Variants in OR2L13 observed in about 807,000 individuals in gnomAD.
OR2L13 encodes olfactory receptor family 2 subfamily L member 13, also known as olfactory receptor 2L13.
A neutral mutation model predicts 15.3 loss-of-function variants in OR2L13; 14 were observed. The ratio of observed to expected loss-of-function variants is 0.91; its 90% CI spans 0.60 to 1.43. OR2L13 has a LOEUF of 1.43. OR2L13 is among the 40% of genes most tolerant of loss of function. The probability of loss-of-function intolerance (pLI) is 0.00; values close to 1 mark genes in which losing one functional copy is unlikely to be tolerated. For missense variants in OR2L13, 367 were observed against 387.9 expected (o/e 0.95, Z 0.45); for synonymous variants, 152 against 142.9 (o/e 1.06, Z -0.45).
chr1:248,074,091 C>G, the OR2L13 span, among the ~76,000 whole-genome samples: 1 of 151,890 alleles, frequency 6.6e-6, no homozygotes, highest in African/African-American at 2.4e-5. Context: ...ACATGTTTGA[C>G]AAAATACTTT....
chr1:248,075,961 C>T, the OR2L13 span, among the ~76,000 whole-genome samples: 3 of 152,124 alleles, frequency 2.0e-5, no homozygotes, highest in Non-Finnish European at 2.9e-5. Context: ...AGGTTTTCTT[C>T]TAGGGTTTTT....
chr1:248,018,955 T>C, the OR2L13 span, among the ~76,000 whole-genome samples: 5 of 152,202 alleles, frequency 3.3e-5, no homozygotes. Flanking sequence ...AGTTCATCTA[T>C]GTTGTAGCAT....
At chr1:247,971,235 ATCTTT>A in the OR2L13 span, among the ~76,000 whole-genome samples, 7 of 151,980 alleles carry the variant, frequency 4.6e-5, no homozygotes, top group Admixed American at 3.9e-4. Flanking sequence ...TTTAGTCTGA[ATCTTT>A]TCTTTTCTTC....
chr1:248,095,517 G>C (rs1434764037), upstream of OR2L13, among the ~76,000 whole-genome samples: 1 of 150,836 alleles, frequency 6.6e-6, no homozygotes, highest in Non-Finnish European at 1.5e-5. Context: ...TTGATAGCCT[G>C]ATATACTATC....
the OR2L13 span, chr1:248,038,215 T>C: frequency 1.6e-6 from 2 of 1,269,192 alleles, no homozygotes; most frequent in South Asian, 1.4e-5. Context: ...AGTGAATTAC[T>C]GTTCTTAATT....
At chr1:247,975,437 C>A in the OR2L13 span, 2 of 728,664 alleles carry the variant, frequency 2.7e-6, no homozygotes, top group Admixed American at 1.8e-5. Flanking sequence ...GCCTATTCGA[C>A]CTGTAGCACC....
chr1:247,947,346 T>C, the OR2L13 span, among the ~76,000 whole-genome samples: 2 of 152,222 alleles, frequency 1.3e-5, no homozygotes, highest in Admixed American at 1.3e-4. Flanking sequence ...GTTTGCACAC[T>C]GGGAATCTTC....
chr1:248,001,072 G>C, the OR2L13 span, among the ~76,000 whole-genome samples: 1 of 152,026 alleles, frequency 6.6e-6, no homozygotes. Flanking sequence ...ATTTATGTAG[G>C]TGTGACATTT....
chr1:248,020,288 C>T, the OR2L13 span, among the ~76,000 whole-genome samples: 1,339 of 152,218 alleles, frequency 8.8e-3, 10 homozygotes, highest in African/African-American at 0.03. Context: ...GTAAAACTGT[C>T]GCTGTTTGCT....
chr1:248,008,170 T>A, the OR2L13 span, among the ~76,000 whole-genome samples: 1 of 152,174 alleles, frequency 6.6e-6, no homozygotes, highest in African/African-American at 2.4e-5. Flanking sequence ...GCCTGGGAAT[T>A]GGAAGAATGC....
At chr1:247,994,163 G>A in the OR2L13 span, among the ~76,000 whole-genome samples, 2 of 152,112 alleles carry the variant, frequency 1.3e-5, no homozygotes, top group Non-Finnish European at 2.9e-5. Context: ...TTGGGAGGCC[G>A]AGGCGGGCGG....
the OR2L13 span, chr1:247,949,881 A>T: frequency 1.8e-6 from 2 of 1,081,608 alleles, no homozygotes; most frequent in Non-Finnish European, 2.6e-6. Flanking sequence ...TCCTTCCTAG[A>T]GTGCAGGACT....
At chr1:248,083,624 G>A in the OR2L13 span, 2 of 1,378,960 alleles carry the variant, frequency 1.5e-6, no homozygotes, top group East Asian at 2.3e-5. Flanking sequence ...AGAGTCATTT[G>A]ACACTAGATC....
chr1:248,015,087 G>C, the OR2L13 span, among the ~76,000 whole-genome samples: 4 of 152,094 alleles, frequency 2.6e-5, no homozygotes, highest in Admixed American at 2.0e-4. Context: ...GTTGTGACTT[G>C]GAAGCACACA....
At chr1:247,968,501 C>T in the OR2L13 span, among the ~76,000 whole-genome samples, 1 of 149,176 alleles carries the variant, frequency 6.7e-6, no homozygotes, top group African/African-American at 2.5e-5. Flanking sequence ...CCCAGCCCCC[C>T]ACCCCCCAAC....
At chr1:248,018,160 T>TA in the OR2L13 span, among the ~76,000 whole-genome samples, 60 of 144,212 alleles carry the variant, frequency 4.2e-4, 2 homozygotes, top group East Asian at 2.6e-3. Context: ...CTCAAAAAAA[T>TA]AAAAAAAAAA....
At chr1:248,018,658 A>C in the OR2L13 span, among the ~76,000 whole-genome samples, 1 of 152,202 alleles carries the variant, frequency 6.6e-6, no homozygotes, top group Admixed American at 6.5e-5. Context: ...TACTTAAGAT[A>C]AACTGCACCA....
the OR2L13 span, among the ~76,000 whole-genome samples, chr1:248,015,505 C>T: frequency 2.0e-5 from 3 of 152,152 alleles, no homozygotes; most frequent in Admixed American, 6.6e-5. Flanking sequence ...AAGTCAATGA[C>T]TTCACAGCTG....
At chr1:248,099,561 C>T (rs1425671918) in exon 3 of OR2L13, 3 of 1,614,118 alleles carry the variant, frequency 1.9e-6, no homozygotes, top group East Asian at 2.2e-5. Flanking sequence ...ACTTTCTTCT[C>T]AGCCAGCTCT....
Sources: allele counts gnomAD v4.1 joint callset (sites outside exome capture counted in the v4.1 genomes callset), GRCh38; gene constraint gnomAD v4.1.1; transcripts MANE v1.5; gene names NCBI Gene and HGNC (gene_info 2026-07-23, HGNC 2026-07-21).